Variants in ZNF438 observed in about 807,000 individuals in gnomAD.
ZNF438 encodes the protein zinc finger protein 438.
A neutral mutation model predicts 38.0 loss-of-function variants in ZNF438; 25 were observed. That is an observed-to-expected ratio of 0.66 (90% CI 0.48 to 0.92). The LOEUF (loss-of-function observed/expected upper bound fraction) is 0.92. ZNF438 is among the 40% of genes least tolerant of loss of function. The pLI is 0.00. For synonymous variants in ZNF438, 372 were observed against 364.1 expected (o/e 1.02, Z -0.25); for missense variants, 1,007 against 999.6 (o/e 1.01, Z -0.10).
chr10:30,974,333 G>A (rs1052878480), intron 1 of ZNF438, among the ~76,000 whole-genome samples: 1 of 152,192 alleles, frequency 6.6e-6, no homozygotes, highest in African/African-American at 2.4e-5. Flanking sequence ...ATTAGCCGAG[G>A]CTGGTGATGC....
At chr10:30,994,739 G>T (rs896849555) in intron 1 of ZNF438, among the ~76,000 whole-genome samples, 3 of 152,144 alleles carry the variant, frequency 2.0e-5, no homozygotes, top group Non-Finnish European at 4.4e-5. Flanking sequence ...AATACTTAAA[G>T]AAATAATGAG....
In ZNF438 at chr10:30,961,662, G is replaced by A. The variant is rs2049503115; in HGVS notation, c.-191-20011C>T. Among the ~76,000 whole-genome samples, 2 of 146,162 alleles carry A rather than the reference G, an allele frequency of 1.4e-5. 1 individual carries two copies. Among genetic ancestry groups the A allele is most frequent in the Non-Finnish European group, 3.1e-5 (2 of 64,422 alleles). The stretch of plus-strand genomic sequence containing the variant: ...AGCACTTTGGGAAGCCAAGGTGAGT[G>A]AATCACTTGAGATCAGGAGTTCGAG... On this transcript the variant is annotated intron_variant, in intron 1 of 5. Transcript: ENST00000413025.
intron 1 of ZNF438, among the ~76,000 whole-genome samples, chr10:30,943,051 T>C (rs922637043): frequency 6.6e-6 from 1 of 152,206 alleles, no homozygotes; most frequent in Admixed American, 6.5e-5. Flanking sequence ...TTTAGTCTTC[T>C]AAGAAGTCTG....
intron 3 of ZNF438, among the ~76,000 whole-genome samples, chr10:30,897,873 T>C (rs1010582432): frequency 3.9e-5 from 6 of 152,106 alleles, no homozygotes; most frequent in African/African-American, 9.7e-5. Context: ...CTGACAGAGA[T>C]TGTTCACCTC....
At chr10:30,883,105 T>C (rs1241139797) in intron 3 of ZNF438, among the ~76,000 whole-genome samples, 1 of 152,154 alleles carries the variant, frequency 6.6e-6, no homozygotes, top group African/African-American at 2.4e-5. Context: ...GAAGACAACA[T>C]TTAACAAGTA....
At chr10:30,885,404 A>G (rs1383595170) in intron 3 of ZNF438, among the ~76,000 whole-genome samples, 1 of 152,234 alleles carries the variant, frequency 6.6e-6, no homozygotes, top group African/African-American at 2.4e-5. Flanking sequence ...CAGTGAAGCC[A>G]TGGATGACAG....
chr10:30,863,631 C>A (rs1336350247), intron 4 of ZNF438, among the ~76,000 whole-genome samples: 2 of 152,210 alleles, frequency 1.3e-5, no homozygotes, highest in African/African-American at 2.4e-5. Flanking sequence ...TCAGAGTTAA[C>A]TTTCCCACCT....
intron 1 of ZNF438, among the ~76,000 whole-genome samples, chr10:30,961,616 G>A (rs2049498576): frequency 6.8e-6 from 1 of 146,496 alleles, no homozygotes; most frequent in African/African-American, 2.4e-5. Context: ...GCTGGGCACA[G>A]TGGCTCACGC....
At chr10:30,902,126 A>C (rs1216063167) in intron 3 of ZNF438, among the ~76,000 whole-genome samples, 1 of 152,140 alleles carries the variant, frequency 6.6e-6, no homozygotes, top group Non-Finnish European at 1.5e-5. Flanking sequence ...GTGGAAGACT[A>C]CCTGAGAGGG....
upstream of ZNF438, among the ~76,000 whole-genome samples, chr10:31,032,206 G>A (rs1036668976): frequency 1.2e-4 from 18 of 152,232 alleles, no homozygotes; most frequent in African/African-American, 4.3e-4. Flanking sequence ...TCGCCCTGGG[G>A]GCTGGAGTAA....
intron 1 of ZNF438, among the ~76,000 whole-genome samples, chr10:31,004,225 T>G (rs1564835600): frequency 1.3e-5 from 2 of 152,182 alleles, no homozygotes; most frequent in Non-Finnish European, 1.5e-5. Flanking sequence ...GAAAAAATTT[T>G]CCAGCCCAAA....
At position 30,969,944 on chromosome 10, in the gene ZNF438, A is replaced by T. The variant is rs534784853; in HGVS notation, c.-191-28293T>A. On this transcript the variant is annotated intron_variant, in intron 1 of 5. Transcript: ENST00000413025. ...TTTTTAAATCTTGAAGACAAAAAAG[A>T]TTTTAAAAAGCCTATGAAGAATAAT... is the stretch of plus-strand genomic sequence containing the variant. 7.2e-5 allele frequency among the ~76,000 whole-genome samples: 11 copies of T among 152,270 alleles called. No homozygotes were observed. In the East Asian group the frequency reaches 2.1e-3, roughly 29 times the overall value.
intron 2 of ZNF438, among the ~76,000 whole-genome samples, chr10:30,915,592 GTTAAT>G (rs988736837): frequency 5.3e-5 from 8 of 151,734 alleles, no homozygotes; most frequent in African/African-American, 1.9e-4. Context: ...TTCTCGGCAA[GTTAAT>G]TTAATGAAAA....
rs71527620 is a variant in ZNF438, at chr10:30,930,803, C to CAAAA, written c.-115+10768_-115+10771dup. Among the ~76,000 whole-genome samples the CAAAA allele has an allele frequency of 4.5e-3, 172 of 38,422 alleles. 1 individual carries two copies. The highest frequency in any genetic ancestry group is 5.1e-3 in the African/African-American group (62 of 12,214). 25.2% of individuals were successfully genotyped at this position (38,422 alleles called of 152,430 possible). A position where few individuals can be genotyped will look rare whatever the true frequency, so the allele number is the denominator to read the frequency against. Reference sequence around the variant, plus strand: ...GCCTGGCGACAGAGAGAAACTCAGTCAAAAAAAAAAAAAAAAAAAAAAAAA... The same window carrying CAAAA: ...GCCTGGCGACAGAGAGAAACTCAGTCAAAAAAAAAAAAAAAAAAAAAAAAAAAAA... On this transcript the variant is annotated intron_variant, in intron 2 of 5. Coordinates refer to ENST00000413025, the Ensembl canonical transcript of ZNF438.
rs12243186 is a variant in ZNF438, at chr10:30,953,914, C to T, written c.-191-12263G>A. On this transcript the variant is annotated intron_variant, in intron 1 of 5. Transcript: ENST00000413025. ...CTCCCAACACTTTGGGAGGCCAATGCGGATGGATCATGAGGTCAGGAGTTC... is the reference window on the plus strand; with the variant it reads ...CTCCCAACACTTTGGGAGGCCAATGTGGATGGATCATGAGGTCAGGAGTTC... Among the ~76,000 whole-genome samples, 740 of 152,196 alleles carry T rather than the reference C, an allele frequency of 4.9e-3. 8 individuals are homozygous for T. Among genetic ancestry groups the T allele is most frequent in the African/African-American group, 0.017 (692 of 41,518 alleles).
rs58041161 is a variant in ZNF438 at position 30,941,059 on chromosome 10, C to CATTTTATTTT, written c.-115+506_-115+515dup. Among the ~76,000 whole-genome samples the CATTTTATTTT allele has an allele frequency of 7.5e-3, 1,132 of 150,348 alleles. 15 individuals are homozygous for CATTTTATTTT. The highest frequency in any genetic ancestry group is 0.02 in the African/African-American group (819 of 41,146). On this transcript the variant is annotated intron_variant, in intron 2 of 5. Transcript: ENST00000413025. ...ATAACACCAAGAGTTTAAAACTGAA[C>CATTTTATTTT]ATTTTATTTTATTTTATTTTATTTT...
At chr10:31,025,195 G>A (rs562032017) in intron 1 of ZNF438, among the ~76,000 whole-genome samples, 1 of 152,314 alleles carries the variant, frequency 6.6e-6, no homozygotes, top group East Asian at 1.9e-4. Flanking sequence ...GGAACAGAAG[G>A]AAGGAGGGAG....
exon 6 of ZNF438, chr10:30,845,424 T>C (rs757059067): frequency 6.2e-7 from 1 of 1,614,154 alleles, no homozygotes; most frequent in South Asian, 1.1e-5. Flanking sequence ...TAGCCTGCCC[T>C]CAATTTCCTC....
At chr10:30,878,008 G>C (rs1330643039) in intron 3 of ZNF438, among the ~76,000 whole-genome samples, 1 of 152,150 alleles carries the variant, frequency 6.6e-6, no homozygotes, top group Non-Finnish European at 1.5e-5. Context: ...CCAAAACACA[G>C]ACAGAACATA....
Sources: allele counts gnomAD v4.1 joint callset (sites outside exome capture counted in the v4.1 genomes callset), GRCh38; gene constraint gnomAD v4.1.1; transcripts MANE v1.5; gene names NCBI Gene and HGNC (gene_info 2026-07-23, HGNC 2026-07-21).